FRAS1: variants seen among roughly 807,000 people sequenced by gnomAD.
The protein encoded by FRAS1 is extracellular matrix organizing protein FRAS1.
In FRAS1, 290 loss-of-function variants were observed where a neutral mutation model predicts 435.2. That is an observed-to-expected ratio of 0.67 (90% CI 0.61 to 0.73). The LOEUF is 0.73. FRAS1 is among the 30% of genes least tolerant of loss of function. FRAS1 has a pLI of 0.00. For missense variants in FRAS1, 4,860 were observed against 5,001.5 expected (o/e 0.97, Z 0.85); for synonymous variants, 1,800 against 1,851.0 (o/e 0.97, Z 0.71).
At chr4:78,475,341 A>T in intron 53 of FRAS1, 97 bp from the exon 54 acceptor site, 1 of 1,346,222 alleles carries the variant, frequency 7.4e-7, no homozygotes, top group Non-Finnish European at 1.0e-6. Flanking sequence ...CTGACTACCT[A>T]ATGCCAAGAA....
intron 2 of FRAS1, among the ~76,000 whole-genome samples, chr4:78,196,824 G>A (rs766504654): frequency 1.8e-4 from 27 of 152,052 alleles, no homozygotes; most frequent in Non-Finnish European, 2.1e-4. Context: ...ACTTCAATTT[G>A]TGGGGCTTGA....
intron 2 of FRAS1, among the ~76,000 whole-genome samples, chr4:78,151,358 G>T (rs552860311): frequency 7.1e-6 from 1 of 141,498 alleles, no homozygotes; most frequent in Admixed American, 6.7e-5. Flanking sequence ...CCATGTGCCA[G>T]TCATGGTTCT....
At chr4:78,330,916 C>G (rs1729922004) in intron 18 of FRAS1, among the ~76,000 whole-genome samples, 1 of 152,220 alleles carries the variant, frequency 6.6e-6, no homozygotes, top group Non-Finnish European at 1.5e-5. Flanking sequence ...TCGTATCCTC[C>G]TTCCCCTTTT....
chr4:78,252,973 C>T (rs1725613223), intron 5 of FRAS1, among the ~76,000 whole-genome samples: 1 of 152,168 alleles, frequency 6.6e-6, no homozygotes, highest in Admixed American at 6.5e-5. Context: ...GAGCAAAGAA[C>T]TGGTCTGACC....
intron 2 of FRAS1, among the ~76,000 whole-genome samples, chr4:78,186,583 T>C (rs1381777448): frequency 6.6e-6 from 1 of 152,140 alleles, no homozygotes. Flanking sequence ...GTTTTTTTCA[T>C]GTAAAGCTTG....
chr4:78,516,057 C>T (rs1240655860), intron 66 of FRAS1, 44 bp downstream of exon 66: 2 of 1,467,162 alleles, frequency 1.4e-6, no homozygotes, highest in Admixed American at 4.1e-5. Context: ...ATATGGGTGC[C>T]ATGGTCAACC....
chr4:78,298,026 CTCTCTATATATA>C (rs1312726426), intron 14 of FRAS1, among the ~76,000 whole-genome samples: 61 of 113,366 alleles, frequency 5.4e-4, no homozygotes, highest in African/African-American at 2.2e-3. Flanking sequence ...CTCTCTCTCT[CTCTCTATATATA>C]TATATATATA....
At chr4:78,377,839 A>ACTGAAGT (rs1731837804) in intron 26 of FRAS1, among the ~76,000 whole-genome samples, 1 of 152,132 alleles carries the variant, frequency 6.6e-6, no homozygotes, top group African/African-American at 2.4e-5. Flanking sequence ...ACCCAAGAAC[A>ACTGAAGT]TCCAAGTCAG....
chr4:78,079,084 A>G (rs1227504756), intron 2 of FRAS1, among the ~76,000 whole-genome samples: 3 of 152,202 alleles, frequency 2.0e-5, no homozygotes, highest in African/African-American at 7.2e-5. Flanking sequence ...AGCCATTAAG[A>G]TAATAGATGA....
In FRAS1 at chr4:78,245,254, GCCAACCAATGCTGT is replaced by G. The variant is rs1260905788; in HGVS notation, c.241_254del (p.Asn81Ter). The stretch of plus-strand genomic sequence containing the variant: ...TCAGGGAGAAGTGCTTCAAATAGCT[GCCAACCAATGCTGT>G]CCTGAGTGTGTTTTGAGGACTCCAG... On this transcript the variant is annotated frameshift_variant, in exon 4 of 74. Coordinates refer to ENST00000512123, the MANE Select transcript of FRAS1 (RefSeq NM_025074.7). LOFTEE classifies it high-confidence loss of function. 1 of 1,607,908 alleles carries G rather than the reference GCCAACCAATGCTGT, an allele frequency of 6.2e-7. No homozygotes were observed. The highest frequency in any genetic ancestry group is 1.1e-5 in the South Asian group (1 of 89,436).
chr4:78,476,495 G>C (rs114397774), intron 54 of FRAS1, among the ~76,000 whole-genome samples: 1 of 152,092 alleles, frequency 6.6e-6, no homozygotes, highest in African/African-American at 2.4e-5. Flanking sequence ...CAACTTTATT[G>C]TTATTATGGC....
intron 20 of FRAS1, among the ~76,000 whole-genome samples, chr4:78,359,657 A>C (rs1484402264): frequency 1.3e-5 from 2 of 152,156 alleles, no homozygotes; most frequent in Admixed American, 6.5e-5. Flanking sequence ...GTTCAGCATG[A>C]CTTTTTAAAC....
At chr4:78,407,957 C>T (rs771702627) in intron 31 of FRAS1, 116 bp downstream of exon 31, 56 of 857,862 alleles carry the variant, frequency 6.5e-5, no homozygotes, top group Non-Finnish European at 8.6e-5. Context: ...ATTTGGGGGA[C>T]GTGTTAGTTC....
At chr4:78,227,799 C>T (rs11941469) in intron 2 of FRAS1, among the ~76,000 whole-genome samples, 87,221 of 152,090 alleles carry the variant, frequency 0.57, 25,937 homozygotes, top group Non-Finnish European at 0.65. Context: ...AAGGTGGCTA[C>T]TGCAGCAGCA....
chr4:78,071,955 A>C (rs1479047677), intron 2 of FRAS1: 2 of 152,122 alleles, frequency 1.3e-5, no homozygotes, highest in South Asian at 2.1e-4. Context: ...GTTTGTTTAT[A>C]TAATTTGAAC....
At chr4:78,211,772 G>T (rs1037801399) in intron 2 of FRAS1, among the ~76,000 whole-genome samples, 2 of 152,176 alleles carry the variant, frequency 1.3e-5, no homozygotes, top group African/African-American at 4.8e-5. Context: ...TCATGGTGTT[G>T]TGCAACCATC....
chr4:78,307,333 C>A (rs1237372303), intron 14 of FRAS1, among the ~76,000 whole-genome samples: 1 of 152,224 alleles, frequency 6.6e-6, no homozygotes, highest in Non-Finnish European at 1.5e-5. Context: ...CTGTGCCCTG[C>A]CCCCAGAGGT....
intron 2 of FRAS1, among the ~76,000 whole-genome samples, chr4:78,216,024 T>C (rs1235469192): frequency 2.0e-5 from 3 of 152,254 alleles, no homozygotes; most frequent in Admixed American, 2.0e-4. Context: ...TAGCCTGTTA[T>C]TGTAGAACCT....
At position 78,308,103 on chromosome 4, in the gene FRAS1, G is replaced by C. The variant is rs770723877; in HGVS notation, c.1572G>C (p.Thr524=). ...CCTGTGCAGGTTGCTGGGGCCCAAC[G>C]GAGAAGCACTGCTTGGCCTGCAGAG... is the stretch of plus-strand genomic sequence containing the variant. The part of the protein sequence containing the change: ...HESCAGCWGP[T]EKHCLACRDP... The change falls in exon 15 of 74, where the codon ACG becomes ACC. Residue 524 remains threonine, a synonymous_variant. Coordinates refer to ENST00000512123, the MANE Select transcript of FRAS1 (RefSeq NM_025074.7). 2 of 1,613,704 alleles carry C rather than the reference G, an allele frequency of 1.2e-6. No homozygotes were observed. Among genetic ancestry groups the C allele is most frequent in the Admixed American group, 1.7e-5 (1 of 60,006 alleles).
Sources: allele counts gnomAD v4.1 joint callset (sites outside exome capture counted in the v4.1 genomes callset), GRCh38; gene constraint gnomAD v4.1.1; transcripts MANE v1.5; gene names NCBI Gene and HGNC (gene_info 2026-07-23, HGNC 2026-07-21).